The following DCAF10 variants were observed in gnomAD, a reference collection of about 807,000 sequenced individuals.
The protein encoded by DCAF10 is DDB1 and CUL4 associated factor 10, also known as DDB1- and CUL4-associated factor 10.
Under a neutral mutation model 51.9 loss-of-function variants are expected in DCAF10, and 19 were observed. The observed-to-expected ratio is 0.37, with a 90% CI of 0.26 to 0.54. DCAF10 has a LOEUF of 0.54. Ranked by LOEUF, DCAF10 falls within the 20% of genes least tolerant of loss-of-function variation. The probability of loss-of-function intolerance (pLI) is 0.87; values close to 1 mark genes in which losing one functional copy is unlikely to be tolerated. For synonymous variants in DCAF10, 291 were observed against 297.1 expected (o/e 0.98, Z 0.21); for missense variants, 510 against 730.6 (o/e 0.70, Z 3.48).
At position 37,801,302 on chromosome 9, in the gene DCAF10, C is replaced by T; in HGVS notation, c.436C>T (p.Arg146Cys). The T allele has an allele frequency of 1.3e-6, 2 of 1,597,868 alleles. No individual in the cohort carries two copies. Among genetic ancestry groups the T allele is most frequent in the Non-Finnish European group, 1.7e-6 (2 of 1,174,710 alleles). Residue 146 changes from arginine to cysteine, a missense_variant, in exon 1 of 7, where the codon CGC (arginine) becomes TGC (cysteine). By Grantham distance (180) the Arg-to-Cys change is radical (BLOSUM62 -3). This residue lies in a region of DCAF10 where 251 missense variants were observed against 227.9 expected (regional missense o/e 1.10). Coordinates refer to ENST00000377724, the MANE Select transcript of DCAF10 (RefSeq NM_024345.5). This position sits in a 1 kb window ranked among gnomAD's most constrained non-coding sequence, Gnocchi z 5.5. ...LFVDPARDNF[R>C]TMTSLYGSIH... ...CGTGGACCCGGCGCGGGACAATTTT[C>T]GCACCATGACTAGCCTCTACGGTTC... is the stretch of plus-strand genomic sequence containing the variant.
chr9:37,857,747 C>G (rs1237146449), intron 5 of DCAF10, among the ~76,000 whole-genome samples: 1 of 152,212 alleles, frequency 6.6e-6, no homozygotes, highest in Non-Finnish European at 1.5e-5. Flanking sequence ...AGACTTTTTG[C>G]TCTGCCATTT....
Position 37,801,515 on chromosome 9 carries a change from T to A in DCAF10, c.539+110T>A. On this transcript the variant is annotated intron_variant, in intron 1 of 6. Transcript: ENST00000377724. This position sits in a 1 kb window ranked among gnomAD's most constrained non-coding sequence, Gnocchi z 5.5. The stretch of plus-strand genomic sequence containing the variant: ...GCCCGGGCCGAGGTTAGCGAGGCCG[T>A]TTGGGGCCGCTGGCCTTCGTGCCTC... 1.6e-6 allele frequency: 2 copies of A among 1,256,002 alleles called. No homozygotes were observed. Among genetic ancestry groups the A allele is most frequent in the African/African-American group, 1.6e-5 (1 of 63,180 alleles). 77.8% of individuals were successfully genotyped at this position (1,256,002 alleles called of 1,614,324 possible).
chr9:37,816,434 C>T (rs1220154874), intron 1 of DCAF10, among the ~76,000 whole-genome samples: 1 of 152,038 alleles, frequency 6.6e-6, no homozygotes, highest in East Asian at 1.9e-4. Flanking sequence ...ACTAAAAATA[C>T]AAAAAGTTAG....
upstream of DCAF10, chr9:37,800,652 C>T: frequency 6.5e-7 from 1 of 1,536,116 alleles, no homozygotes; most frequent in Non-Finnish European, 8.7e-7. Flanking sequence ...ACACAGGTAA[C>T]TACTCGCTCC....
At chr9:37,835,267 T>C (rs1830122577) in intron 2 of DCAF10, among the ~76,000 whole-genome samples, 1 of 151,996 alleles carries the variant, frequency 6.6e-6, no homozygotes. Context: ...AAACCCTGTC[T>C]CTACTAAAAA....
At chr9:37,811,150 T>G (rs1389805670) in intron 1 of DCAF10, among the ~76,000 whole-genome samples, 2 of 151,908 alleles carry the variant, frequency 1.3e-5, no homozygotes, top group Admixed American at 1.3e-4. Context: ...AGCAACATAG[T>G]GAGAGATCCC....
chr9:37,865,098 G>A lies in DCAF10; in HGVS notation c.*3590G>A, dbSNP rs2118229426. On this transcript the variant is annotated 3_prime_UTR_variant, in exon 7 of 7. Coordinates refer to ENST00000377724, the MANE Select transcript of DCAF10 (RefSeq NM_024345.5). ...TGGATTTTTTTTTTTTAATTATAGAGCTAGCTTACCGTGTGTATCATGTAA... is the reference window on the plus strand; with the variant it reads ...TGGATTTTTTTTTTTTAATTATAGAACTAGCTTACCGTGTGTATCATGTAA... The A allele has an allele frequency of 6.6e-6, 1 of 151,308 alleles. No individual in the cohort carries two copies. The highest frequency in any genetic ancestry group is 1.9e-4 in the East Asian group (1 of 5,156). The allele number at this position is 151,308 out of a possible 1,614,324, so 9.4% of individuals were successfully genotyped here.
At chr9:37,847,976 C>T (rs1011867052) in intron 3 of DCAF10, among the ~76,000 whole-genome samples, 1 of 151,906 alleles carries the variant, frequency 6.6e-6, no homozygotes, top group Non-Finnish European at 1.5e-5. Flanking sequence ...TAAAACATTG[C>T]TAAAGGGAAT....
intron 1 of DCAF10, among the ~76,000 whole-genome samples, chr9:37,810,555 G>A (rs1018432607): frequency 3.9e-5 from 6 of 151,918 alleles, no homozygotes; most frequent in Non-Finnish European, 8.8e-5. Flanking sequence ...TCTGCCTCCC[G>A]GGTTCAAGCG....
In DCAF10 at chr9:37,842,164, C is replaced by T; in HGVS notation, c.729C>T (p.Asn243=). Reference sequence around the variant, plus strand: ...CACTATGGGATCTGAGAAAATTGAACACCAAAGTATGCACTTTACATGGTC... The same window carrying T: ...CACTATGGGATCTGAGAAAATTGAATACCAAAGTATGCACTTTACATGGTC... ...TIALWDLRKL[N]TKVCTLHGHT... is the part of the protein sequence containing the mutation. Residue 243 remains asparagine (N), a synonymous_variant, in exon 3 of 7, where the codon AAC becomes AAT. Coordinates refer to ENST00000377724, the MANE Select transcript of DCAF10 (RefSeq NM_024345.5). 1 of 1,613,912 alleles carries T rather than the reference C, an allele frequency of 6.2e-7. No homozygotes were observed. Among genetic ancestry groups the T allele is most frequent in the Non-Finnish European group, 8.5e-7 (1 of 1,179,914 alleles).
At chr9:37,805,787 T>C (rs894715562) in intron 1 of DCAF10, among the ~76,000 whole-genome samples, 1 of 152,170 alleles carries the variant, frequency 6.6e-6, no homozygotes, top group African/African-American at 2.4e-5. Context: ...AATATTCTAA[T>C]TAAAAGACAA....
At chr9:37,823,586 G>A (rs12555639) in intron 2 of DCAF10, among the ~76,000 whole-genome samples, 19,355 of 149,432 alleles carry the variant, frequency 0.13, 1,372 homozygotes, top group Non-Finnish European at 0.16. Flanking sequence ...AAAGAATTTA[G>A]GAGTTTTTTT....
chr9:37,866,827 C>T lies in DCAF10; in HGVS notation c.*5319C>T, dbSNP rs998632612. On this transcript the variant is annotated 3_prime_UTR_variant, in exon 7 of 7. Coordinates refer to ENST00000377724, the MANE Select transcript of DCAF10 (RefSeq NM_024345.5). ...GAATAAACAGCAAGGTACCAAAGTA[C>T]AGCAAAGCAACAACAAAGGCTCTGT... The T allele has an allele frequency of 3.3e-5, 5 of 152,520 alleles. No individual in the cohort carries two copies. The highest frequency in any genetic ancestry group is 1.2e-4 in the African/African-American group (5 of 41,404). The allele number at this position is 152,520 out of a possible 1,614,324, so 9.4% of individuals were successfully genotyped here.
intron 3 of DCAF10, among the ~76,000 whole-genome samples, chr9:37,846,452 T>C (rs1476683554): frequency 6.6e-6 from 1 of 152,152 alleles, no homozygotes; most frequent in African/African-American, 2.4e-5. Context: ...TGACTTAAGA[T>C]AAATAGAAAA....
At chr9:37,826,022 G>T (rs1189721646) in intron 2 of DCAF10, among the ~76,000 whole-genome samples, 1 of 148,680 alleles carries the variant, frequency 6.7e-6, no homozygotes, top group Non-Finnish European at 1.5e-5. Context: ...GCGACAGAGC[G>T]AGACTCCATC....
intron 1 of DCAF10, among the ~76,000 whole-genome samples, chr9:37,807,084 T>A (rs1589073509): frequency 2.0e-5 from 3 of 152,304 alleles, no homozygotes; most frequent in African/African-American, 2.4e-5. Context: ...ACAGCAAGCA[T>A]TTGAAGGGCT....
intron 5 of DCAF10, 55 bp downstream of exon 5, chr9:37,857,406 TTAA>T: frequency 7.6e-7 from 1 of 1,311,804 alleles, no homozygotes; most frequent in South Asian, 1.3e-5. Flanking sequence ...GCCAATCTGA[TTAA>T]TTATTGATTG....
In DCAF10 at chr9:37,863,954, C is replaced by T. The variant is rs1349763577; in HGVS notation, c.*2446C>T. On this transcript the variant is annotated 3_prime_UTR_variant, in exon 7 of 7. Transcript: ENST00000377724. ...AAATTATCACAAAGCACAGTAAATA[C>T]ATATACTTACCATACATTTTGTAAA... is the stretch of plus-strand genomic sequence containing the variant. The T allele has an allele frequency of 6.6e-6, 1 of 152,132 alleles. No homozygotes were observed. The highest frequency in any genetic ancestry group is 1.9e-4 in the East Asian group (1 of 5,196). The allele number at this position is 152,132 out of a possible 1,614,324, so 9.4% of individuals were successfully genotyped here. A position where few individuals can be genotyped will look rare whatever the true frequency, so the allele number is the denominator to read the frequency against.
In DCAF10 at chr9:37,822,605, G is replaced by T. The variant is rs2841948; in HGVS notation, c.653+3204G>T. On this transcript the variant is annotated intron_variant, in intron 2 of 6. Coordinates refer to ENST00000377724, the MANE Select transcript of DCAF10 (RefSeq NM_024345.5). ...GGACCTAAGCTATGAGGACATAAAG[G>T]CATAAGAATGATACAATAGACTTTG... Among the ~76,000 whole-genome samples, 1,183 of 151,884 alleles carry T rather than the reference G, an allele frequency of 7.8e-3. 22 individuals carry two copies. Among genetic ancestry groups the T allele is most frequent in the African/African-American group, 0.027 (1,103 of 41,412 alleles).
Sources: allele counts gnomAD v4.1 joint callset (sites outside exome capture counted in the v4.1 genomes callset), GRCh38; gene constraint gnomAD v4.1.1; regional missense constraint gnomAD v4.1.1; non-coding constraint Gnocchi (gnomAD v3.1); transcripts MANE v1.5; gene names NCBI Gene and HGNC (gene_info 2026-07-23, HGNC 2026-07-21).